The following VDAC3 variants were observed in gnomAD, a reference collection of about 807,000 sequenced individuals.
The protein encoded by VDAC3 is non-selective voltage-gated ion channel VDAC3.
Under a neutral mutation model 33.9 loss-of-function variants are expected in VDAC3, and 7 were observed. That is an observed-to-expected ratio of 0.21 (90% CI 0.12 to 0.39). VDAC3 has a LOEUF of 0.39. Among genes scored for constraint, VDAC3 ranks in the 10% least tolerant of loss-of-function variants. VDAC3 has a pLI of 1.00. For missense variants in VDAC3, 261 were observed against 334.5 expected, an observed-to-expected ratio of 0.78 and a Z score of 1.71; for synonymous variants, 100 against 122.4, an observed-to-expected ratio of 0.82 and a Z score of 1.21.
At chr8:42,402,788 C>G (rs556454369) in intron 7 of VDAC3, among the ~76,000 whole-genome samples, 1 of 152,254 alleles carries the variant, frequency 6.6e-6, no homozygotes, top group African/African-American at 2.4e-5. Flanking sequence ...TGTGAAAACC[C>G]AAGGACTCAC....
chr8:42,402,165 G>T, intron 7 of VDAC3, 150 bp downstream of exon 7: 1 of 856,226 alleles, frequency 1.2e-6, no homozygotes, highest in Non-Finnish European at 1.8e-6. Context: ...AACCTTGCCA[G>T]GAGGCTGGTG....
intron 2 of VDAC3, 54 bp from the exon 3 acceptor site, chr8:42,394,156 T>A (rs1802257043): frequency 6.0e-6 from 9 of 1,494,768 alleles, no homozygotes; most frequent in Non-Finnish European, 8.4e-6. Flanking sequence ...GAACTGTGGG[T>A]GAATAAATAC....
intron 4 of VDAC3, among the ~76,000 whole-genome samples, chr8:42,396,140 C>T (rs1356744610): frequency 6.6e-6 from 1 of 152,038 alleles, no homozygotes; most frequent in East Asian, 1.9e-4. Context: ...TGCCTGTAGT[C>T]CTGGCTACTT....
intron 8 of VDAC3, among the ~76,000 whole-genome samples, chr8:42,403,673 C>T (rs2130891741): frequency 6.6e-6 from 1 of 152,266 alleles, no homozygotes; most frequent in Middle Eastern, 3.4e-3. Flanking sequence ...GTCAGGAGTT[C>T]AAGACCAGCC....
chr8:42,394,932 A>G (rs1802279307), intron 3 of VDAC3, 152 bp from the exon 4 acceptor site: 2 of 732,814 alleles, frequency 2.7e-6, no homozygotes, highest in Non-Finnish European at 4.3e-6. Flanking sequence ...TTTGGTTATA[A>G]TTCAGTTTCT....
intron 4 of VDAC3, among the ~76,000 whole-genome samples, chr8:42,398,402 A>AT (rs1437245899): frequency 6.6e-5 from 10 of 151,858 alleles, no homozygotes; most frequent in Admixed American, 4.6e-4. Context: ...AATTTTTTGT[A>AT]TTTTTTGTAG....
At chr8:42,398,611 T>A in intron 4 of VDAC3, 101 bp from the exon 5 acceptor site, 1 of 1,278,594 alleles carries the variant, frequency 7.8e-7, no homozygotes, top group Non-Finnish European at 1.1e-6. Context: ...TGGCAAGCAG[T>A]AAATGGTATT....
chr8:42,398,200 C>A (rs1384260940), intron 4 of VDAC3, among the ~76,000 whole-genome samples: 3 of 151,938 alleles, frequency 2.0e-5, no homozygotes, highest in African/African-American at 7.3e-5. Context: ...TTAGGATTAC[C>A]ATTTGGTAAG....
chr8:42,404,747 T>G (rs1485242764), intron 8 of VDAC3, 120 bp from the exon 9 acceptor site: 5 of 595,428 alleles, frequency 8.4e-6, no homozygotes, highest in Non-Finnish European at 1.3e-5. Context: ...AAAAAATCAG[T>G]AATTCTAGAT....
chr8:42,399,569 C>T (rs1363128898), intron 5 of VDAC3, 82 bp from the exon 6 acceptor site: 3 of 1,321,904 alleles, frequency 2.3e-6, no homozygotes, highest in Non-Finnish European at 3.1e-6. Flanking sequence ...TTAAAGAACT[C>T]AGGAAACTTT....
intron 8 of VDAC3, 57 bp from the exon 9 acceptor site, chr8:42,404,810 T>C: frequency 6.8e-7 from 1 of 1,462,670 alleles, no homozygotes; most frequent in Non-Finnish European, 9.5e-7. Context: ...GTGATGGTTA[T>C]ATTGGACTGA....
rs965786728 is a variant in VDAC3, at chr8:42,402,945, T to G, written c.552-366T>G. Reference sequence around the variant, plus strand: ...TTCCTATACCTCTACCTTTTTATTTTTTTGCAGAATCTTTATTGAACTCTA... The same window carrying G: ...TTCCTATACCTCTACCTTTTTATTTGTTTGCAGAATCTTTATTGAACTCTA... On this transcript the variant is annotated intron_variant, in intron 7 of 9. Transcript: ENST00000022615. The G allele has an allele frequency of 1.6e-5, 3 of 188,236 alleles. No homozygotes were observed. The Admixed American group carries it at 1.7e-4, about 10-fold the overall frequency. 11.7% of individuals were successfully genotyped at this position (188,236 alleles called of 1,614,324 possible). A position where few individuals can be genotyped will look rare whatever the true frequency, so the allele number is the denominator to read the frequency against.
chr8:42,404,824 G>T, intron 8 of VDAC3, 43 bp from the exon 9 acceptor site: 1 of 1,550,556 alleles, frequency 6.4e-7, no homozygotes, highest in Non-Finnish European at 8.9e-7. Context: ...GGACTGATCT[G>T]TAATTCACTG....
intron 6 of VDAC3, 27 bp downstream of exon 6, chr8:42,399,730 A>T: frequency 6.2e-7 from 1 of 1,608,028 alleles, no homozygotes; most frequent in Non-Finnish European, 8.5e-7. Flanking sequence ...CATTTCCTGA[A>T]ACGTTTTTGG....
In VDAC3 at chr8:42,401,863, T is replaced by C. The variant is rs1365052412; in HGVS notation, c.399T>C (p.Phe133=). 1 of 1,614,238 alleles carries C rather than the reference T, an allele frequency of 6.2e-7. No homozygotes were observed. Among genetic ancestry groups the C allele is most frequent in the South Asian group, 1.1e-5 (1 of 91,082 alleles). ...FSVGSNVDID[F]SGPTIYGWAV... ...TTGGCAGTAATGTTGATATAGATTT[T>C]TCTGGACCAACCATCTATGGCTGGG... Residue 133 remains phenylalanine, a synonymous_variant, in exon 7 of 10, where the codon TTT becomes TTC. Transcript: ENST00000022615.
intron 6 of VDAC3, among the ~76,000 whole-genome samples, chr8:42,400,796 G>A (rs1029503242): frequency 6.2e-5 from 9 of 144,720 alleles, no homozygotes; most frequent in Non-Finnish European, 1.3e-4. Flanking sequence ...CTCCCAAATA[G>A]CTGGGACTAC....
chr8:42,405,565 CT>C lies in VDAC3; in HGVS notation c.*108del. 1.0e-6 allele frequency: 1 copy of C among 970,730 alleles called. No individual in the cohort carries two copies. The highest frequency in any genetic ancestry group is 1.6e-6 in the Non-Finnish European group (1 of 632,642). The allele number at this position is 970,730 out of a possible 1,614,324, so 60.1% of individuals were successfully genotyped here. The stretch of plus-strand genomic sequence containing the variant: ...TTCTGTGAAATTTCAAAAGTGTGAA[CT>C]TTTTATTCTTCCAAAGAATTGTAAT... On this transcript the variant is annotated 3_prime_UTR_variant, in exon 10 of 10. Coordinates refer to ENST00000022615, the MANE Select transcript of VDAC3 (RefSeq NM_005662.7).
At chr8:42,393,106 A>G (rs1824899766) in intron 1 of VDAC3, among the ~76,000 whole-genome samples, 1 of 151,898 alleles carries the variant, frequency 6.6e-6, no homozygotes, top group African/African-American at 2.4e-5. Context: ...TAGTCTCTTT[A>G]TATCATAGTG....
rs947256262 is a variant in VDAC3 at position 42,399,946 on chromosome 8, C to A, written c.323+243C>A. 4.6e-5 allele frequency among the ~76,000 whole-genome samples: 7 copies of A among 152,280 alleles called. No individual in the cohort carries two copies. In the East Asian group the frequency reaches 5.8e-4, roughly 13 times the overall value. ...TGTATAAATGTATTTGAGAGAGACA[C>A]ATGGTAGAAAAAATTTAGGAGCTAG... is the stretch of plus-strand genomic sequence containing the variant. On this transcript the variant is annotated intron_variant, in intron 6 of 9. Transcript: ENST00000022615.
Sources: gnomAD v4.1 joint callset for allele counts (sites outside exome capture counted in the v4.1 genomes callset) on GRCh38, gnomAD v4.1.1 for gene constraint, MANE v1.5 for transcripts, NCBI Gene and HGNC (gene_info 2026-07-23, HGNC 2026-07-21) for gene names.